Variants in SLIT3 observed in about 807,000 individuals in gnomAD.
The protein encoded by SLIT3 is slit homolog 3 protein.
In SLIT3, 68 loss-of-function variants were observed where a neutral mutation model predicts 184.0. The observed-to-expected ratio is 0.37, with a 90% confidence interval of 0.30 to 0.45. SLIT3 has a LOEUF of 0.45. Ranked by LOEUF, SLIT3 falls within the 20% of genes least tolerant of loss-of-function variation. The probability of loss-of-function intolerance (pLI) is 1.00; values close to 1 mark genes in which losing one functional copy is unlikely to be tolerated. For synonymous variants in SLIT3, 831 were observed against 828.6 expected (o/e 1.00, Z -0.05); for missense variants, 1,707 against 2,026.0 (o/e 0.84, Z 3.02).
At position 168,942,016 on chromosome 5, in the gene SLIT3, T is replaced by C. The variant is rs186801217; in HGVS notation, c.414-58680A>G. On this transcript the variant is annotated intron_variant, in intron 4 of 35. Coordinates refer to ENST00000519560, the MANE Select transcript of SLIT3 (RefSeq NM_003062.4). ...ACCACATCTGCATCTTTTTCAGTGTTGCTGTTCGGGATGAAAGGGAGGAGT... is the reference window on the plus strand; with the variant it reads ...ACCACATCTGCATCTTTTTCAGTGTCGCTGTTCGGGATGAAAGGGAGGAGT... Among the ~76,000 whole-genome samples the C allele has an allele frequency of 8.8e-3, 1,337 of 152,260 alleles. 10 individuals are homozygous for C. The highest frequency in any genetic ancestry group is 0.027 in the Middle Eastern group (8 of 294).
chr5:168,727,364 G>A (rs1322781222), intron 20 of SLIT3, among the ~76,000 whole-genome samples: 2 of 152,154 alleles, frequency 1.3e-5, no homozygotes, highest in East Asian at 3.9e-4. Context: ...CAGCTGAGGA[G>A]GACATATTTT....
rs1269429845 is a variant in SLIT3 at position 168,682,195 on chromosome 5, T to G, written c.3686+1771A>C. 1.3e-5 allele frequency among the ~76,000 whole-genome samples: 2 copies of G among 152,206 alleles called. 1 individual carries two copies. The highest frequency in any genetic ancestry group is 1.3e-4 in the Admixed American group (2 of 15,286). On this transcript the variant is annotated intron_variant, in intron 32 of 35. Coordinates refer to ENST00000519560, the MANE Select transcript of SLIT3 (RefSeq NM_003062.4). ...CCCAACTGTCCTAACCTGCCTGGTC[T>G]TTATCCACCTTCCACTGGGAGCCTC...
At chr5:168,783,633 A>G (rs1334514000) in intron 12 of SLIT3, among the ~76,000 whole-genome samples, 2 of 152,320 alleles carry the variant, frequency 1.3e-5, no homozygotes, top group East Asian at 3.9e-4. Context: ...AGGAGAGAAA[A>G]TAACTCAGAC....
At chr5:168,967,952 G>A (rs1281681631) in intron 4 of SLIT3, among the ~76,000 whole-genome samples, 3 of 152,166 alleles carry the variant, frequency 2.0e-5, no homozygotes, top group Non-Finnish European at 4.4e-5. Flanking sequence ...GCACTTTCGT[G>A]CCTGCACCAG....
In SLIT3 at chr5:168,913,179, C is replaced by T. The variant is rs944735012; in HGVS notation, c.414-29843G>A. Reference sequence around the variant, plus strand: ...GGTGCAAAACTAATTGCAGTTTTTGCCATTACTTCCAATGGCAAAGGGTTA... The same window carrying T: ...GGTGCAAAACTAATTGCAGTTTTTGTCATTACTTCCAATGGCAAAGGGTTA... On this transcript the variant is annotated intron_variant, in intron 4 of 35. Transcript: ENST00000519560. 4.7e-5 allele frequency among the ~76,000 whole-genome samples: 7 copies of T among 148,678 alleles called. No individual in the cohort carries two copies. The South Asian group carries it at 9.8e-4, about 21-fold the overall frequency.
chr5:169,203,351 GCACACACACACACACA>G (rs36206656), intron 3 of SLIT3, among the ~76,000 whole-genome samples: 9 of 147,424 alleles, frequency 6.1e-5, no homozygotes, highest in South Asian at 2.2e-4. Flanking sequence ...ATGTGAATGT[GCACACACACACACACA>G]CACACACACA....
At position 169,081,328 on chromosome 5, in the gene SLIT3, G is replaced by A. The variant is rs150544967; in HGVS notation, c.413+112151C>T. 7.7e-3 allele frequency among the ~76,000 whole-genome samples: 1,174 copies of A among 152,296 alleles called. 22 individuals are homozygous for A. Among genetic ancestry groups the A allele is most frequent in the African/African-American group, 0.027 (1,123 of 41,556 alleles). On this transcript the variant is annotated intron_variant, in intron 4 of 35. Transcript: ENST00000519560. ...GGAGGTTTCATGCAGTGCAGCCAGC[G>A]GGGCAGCTGGGCCTCTGCCTCCCAG... is the stretch of plus-strand genomic sequence containing the variant.
At chr5:169,048,552 G>A (rs1049845479) in intron 4 of SLIT3, among the ~76,000 whole-genome samples, 2 of 152,144 alleles carry the variant, frequency 1.3e-5, no homozygotes, top group East Asian at 1.9e-4. Flanking sequence ...CATCACCGGC[G>A]GCGTAGCCAT....
intron 20 of SLIT3, among the ~76,000 whole-genome samples, chr5:168,738,981 AT>A (rs1469876928): frequency 2.0e-5 from 3 of 151,382 alleles, no homozygotes; most frequent in African/African-American, 4.9e-5. Context: ...TTTGTTGCCA[AT>A]GATAAATTCG....
chr5:168,891,899 G>C (rs1007445903), intron 4 of SLIT3, among the ~76,000 whole-genome samples: 1 of 152,164 alleles, frequency 6.6e-6, no homozygotes, highest in African/African-American at 2.4e-5. Context: ...TGGACAACAG[G>C]AATAGTCAGA....
At chr5:169,266,492 C>A (rs964968985) in intron 1 of SLIT3, among the ~76,000 whole-genome samples, 3 of 152,152 alleles carry the variant, frequency 2.0e-5, no homozygotes, top group South Asian at 2.1e-4. Context: ...CACTCTCCTT[C>A]CCTTTCTTGT....
Position 169,251,418 on chromosome 5 carries a change from T to C in SLIT3, c.239A>G (p.Asp80Gly). 1.2e-6 allele frequency: 2 copies of C among 1,613,574 alleles called. No homozygotes were observed. The highest frequency in any genetic ancestry group is 1.7e-6 in the Non-Finnish European group (2 of 1,179,520). ...RNNITRITKM[D>G]FAGLKNLRVL... ...TCGGAGGTTCTTGAGCCCAGCGAAGTCCATCTTGGTGATCCTGGTGATATT... is the reference window on the plus strand; with the variant it reads ...TCGGAGGTTCTTGAGCCCAGCGAAGCCCATCTTGGTGATCCTGGTGATATT... Residue 80 changes from aspartate (D) to glycine (G), a missense_variant, in exon 2 of 36, where the codon GAC becomes GGC. Transcript: ENST00000519560.
At chr5:168,913,418 TCAAA>T (rs1283373848) in intron 4 of SLIT3, among the ~76,000 whole-genome samples, 1 of 152,218 alleles carries the variant, frequency 6.6e-6, no homozygotes, top group Non-Finnish European at 1.5e-5. Flanking sequence ...GCTGATTTAT[TCAAA>T]CACTCAAACT....
At chr5:168,788,449 C>CA (rs1378874326) in intron 11 of SLIT3, among the ~76,000 whole-genome samples, 9 of 152,132 alleles carry the variant, frequency 5.9e-5, no homozygotes, top group Admixed American at 4.6e-4. Flanking sequence ...TGCATAGCTG[C>CA]ACGGAGAGGC....
chr5:168,806,706 C>T, intron 8 of SLIT3, 119 bp from the exon 9 acceptor site: 1 of 1,109,792 alleles, frequency 9.0e-7, no homozygotes, highest in East Asian at 2.5e-5. Context: ...GAGAAATGAT[C>T]ACCAGCTGAC....
chr5:169,171,889 C>T (rs531018760), intron 4 of SLIT3, among the ~76,000 whole-genome samples: 5 of 152,190 alleles, frequency 3.3e-5, no homozygotes, highest in East Asian at 3.9e-4. Flanking sequence ...CTATTCTCTG[C>T]CCCCTTGGGG....
At chr5:168,674,080 C>T (rs11950286) in intron 32 of SLIT3, among the ~76,000 whole-genome samples, 3,986 of 152,280 alleles carry the variant, frequency 0.026, 179 homozygotes, top group African/African-American at 0.089. Flanking sequence ...AACTCTCTCA[C>T]AGTTAAAATT....
chr5:169,133,673 G>T (rs1193949844), intron 4 of SLIT3, among the ~76,000 whole-genome samples: 1 of 152,196 alleles, frequency 6.6e-6, no homozygotes, highest in African/African-American at 2.4e-5. Flanking sequence ...TTTGGTGATT[G>T]TCTGCAACTT....
At chr5:168,762,287 G>T (rs1755183166) in intron 15 of SLIT3, among the ~76,000 whole-genome samples, 1 of 152,188 alleles carries the variant, frequency 6.6e-6, no homozygotes, top group Non-Finnish European at 1.5e-5. Context: ...GGTGGGCCTA[G>T]CATGATGCCG....
Sources: allele counts gnomAD v4.1 joint callset (sites outside exome capture counted in the v4.1 genomes callset), GRCh38; gene constraint gnomAD v4.1.1; transcripts MANE v1.5; gene names NCBI Gene and HGNC (gene_info 2026-07-23, HGNC 2026-07-21).